ADK: variants seen among roughly 807,000 people sequenced by gnomAD.
ADK encodes N6,N6-dimethyladenosine kinase.
A neutral mutation model predicts 44.7 loss-of-function variants in ADK; 24 were observed. The ratio of observed to expected loss-of-function variants is 0.54; its 90% CI spans 0.39 to 0.76. ADK has a LOEUF of 0.76. Ranked by LOEUF, ADK falls within the 30% of genes least tolerant of loss-of-function variation. The probability of loss-of-function intolerance (pLI) is 0.00; values close to 1 mark genes in which losing one functional copy is unlikely to be tolerated. For missense variants in ADK, 321 were observed against 425.1 expected (o/e 0.76, Z 2.15); for synonymous variants, 128 against 142.6 (o/e 0.90, Z 0.73).
chr10:74,340,340 C>T (rs1241518321), intron 4 of ADK, among the ~76,000 whole-genome samples: 1 of 151,978 alleles, frequency 6.6e-6, no homozygotes, highest in Non-Finnish European at 1.5e-5. Flanking sequence ...CAGTTGTTTC[C>T]TTATATTCCC....
chr10:74,209,127 G>A (rs1006555752), intron 2 of ADK, among the ~76,000 whole-genome samples: 1 of 152,198 alleles, frequency 6.6e-6, no homozygotes, highest in Non-Finnish European at 1.5e-5. Context: ...AGTATAAGAA[G>A]TGTGACTCTT....
intron 1 of ADK, among the ~76,000 whole-genome samples, chr10:74,187,299 T>C (rs1433394441): frequency 2.0e-5 from 3 of 152,244 alleles, no homozygotes; most frequent in African/African-American, 7.2e-5. Flanking sequence ...TTTATCCATT[T>C]ATCACTTGAT....
intron 4 of ADK, among the ~76,000 whole-genome samples, chr10:74,342,769 C>G (rs1403493347): frequency 1.7e-5 from 2 of 119,140 alleles, no homozygotes; most frequent in Non-Finnish European, 1.8e-5. Flanking sequence ...GCCGCTGTGC[C>G]TAGCTCAGTT....
chr10:74,356,571 G>A (rs1296335823), intron 4 of ADK, among the ~76,000 whole-genome samples: 1 of 152,044 alleles, frequency 6.6e-6, no homozygotes, highest in Non-Finnish European at 1.5e-5. Flanking sequence ...TGGATAGTAG[G>A]ATTTTTCCTT....
rs1378519291 is a variant in ADK at position 74,511,577 on chromosome 10, G to A, written c.556-13679G>A. On this transcript the variant is annotated intron_variant, in intron 6 of 10. Transcript: ENST00000539909. Reference sequence around the variant, plus strand: ...TTTTCTAGCTATTGTAAATGAGGTTGCCTTTTTGAATTCTTGTTCAACTAC... The same window carrying A: ...TTTTCTAGCTATTGTAAATGAGGTTACCTTTTTGAATTCTTGTTCAACTAC... 2.0e-5 allele frequency among the ~76,000 whole-genome samples: 3 copies of A among 152,078 alleles called. No homozygotes were observed. In the East Asian group the frequency reaches 5.8e-4, roughly 29 times the overall value.
At chr10:74,369,227 A>G (rs1842585953) in intron 4 of ADK, among the ~76,000 whole-genome samples, 1 of 152,104 alleles carries the variant, frequency 6.6e-6, no homozygotes, top group Non-Finnish European at 1.5e-5. Context: ...GTGGTGGTGC[A>G]TGCCTGTAGT....
intron 5 of ADK, among the ~76,000 whole-genome samples, chr10:74,395,392 T>C (rs532525017): frequency 4.6e-5 from 7 of 152,290 alleles, no homozygotes; most frequent in African/African-American, 9.6e-5. Context: ...CAGTATTTAC[T>C]AAATAACCAA....
At position 74,400,755 on chromosome 10, in the gene ADK, TTATC is replaced by T. The variant is rs371797995; in HGVS notation, c.555+2180_555+2183del. Among the ~76,000 whole-genome samples, 40 of 152,316 alleles carry T rather than the reference TTATC, an allele frequency of 2.6e-4. No individual in the cohort carries two copies. In the South Asian group the frequency reaches 8.1e-3, roughly 31 times the overall value. ...TTTTGATCTAAGGAAGCAACGCAGT[TTATC>T]TATTCAACAAATATCCGTAACTAAA... On this transcript the variant is annotated intron_variant, in intron 6 of 10. Transcript: ENST00000539909.
intron 4 of ADK, among the ~76,000 whole-genome samples, chr10:74,350,982 C>T (rs764963896): frequency 9.9e-5 from 15 of 152,130 alleles, no homozygotes; most frequent in Non-Finnish European, 2.2e-4. Flanking sequence ...GATTCACATC[C>T]GAATTCTACC....
intron 1 of ADK, among the ~76,000 whole-genome samples, chr10:74,153,555 G>A (rs1841671359): frequency 6.6e-6 from 1 of 152,136 alleles, no homozygotes; most frequent in Non-Finnish European, 1.5e-5. Flanking sequence ...GTTTTCACGT[G>A]GGATTAGGGG....
chr10:74,303,269 C>T (rs576163660), intron 3 of ADK, among the ~76,000 whole-genome samples: 1 of 152,210 alleles, frequency 6.6e-6, no homozygotes, highest in East Asian at 1.9e-4. Flanking sequence ...AAATTGAACG[C>T]TAGTCTATAT....
intron 9 of ADK, among the ~76,000 whole-genome samples, chr10:74,621,463 G>A (rs943122620): frequency 2.0e-5 from 3 of 152,058 alleles, no homozygotes; most frequent in African/African-American, 7.2e-5. Flanking sequence ...TGCTGTTTTG[G>A]TTACTATAGC....
chr10:74,241,682 A>G (rs1845215408), intron 3 of ADK, among the ~76,000 whole-genome samples: 1 of 152,114 alleles, frequency 6.6e-6, no homozygotes, highest in African/African-American at 2.4e-5. Context: ...CACTGCGCCC[A>G]GCCGATAAAA....
chr10:74,665,100 G>GTT lies in ADK; in HGVS notation c.878-5082_878-5081dup, dbSNP rs897681195. Among the ~76,000 whole-genome samples, 5 of 151,988 alleles carry GTT rather than the reference G, an allele frequency of 3.3e-5. No individual in the cohort carries two copies. The South Asian group carries it at 6.2e-4, about 19-fold the overall frequency. On this transcript the variant is annotated intron_variant, in intron 9 of 10. Coordinates refer to ENST00000539909, the MANE Select transcript of ADK (RefSeq NM_006721.4). Reference sequence around the variant, plus strand: ...ATAAAACTTTGAAAGAATAAATAATGTTATATATATGGGAGGAATGATCAA... The same window carrying GTT: ...ATAAAACTTTGAAAGAATAAATAATGTTTTATATATATGGGAGGAATGATCAA...
At chr10:74,221,805 A>G (rs2132233626) in intron 2 of ADK, among the ~76,000 whole-genome samples, 1 of 147,626 alleles carries the variant, frequency 6.8e-6, no homozygotes, top group East Asian at 1.9e-4. Flanking sequence ...TGCTGGGAAA[A>G]CTGGCTAGCC....
chr10:74,564,605 TATACAATACTA>T, intron 7 of ADK, among the ~76,000 whole-genome samples: 1 of 152,128 alleles, frequency 6.6e-6, no homozygotes, highest in South Asian at 2.1e-4. Context: ...TTAACGTTTG[TATACAATACTA>T]TAATACAGTC....
chr10:74,572,640 A>C (rs368558926), intron 7 of ADK, among the ~76,000 whole-genome samples: 11 of 152,174 alleles, frequency 7.2e-5, no homozygotes, highest in African/African-American at 1.9e-4. Context: ...TCAGGTACAC[A>C]AATCAGACGT....
At chr10:74,702,343 C>G (rs1856452608) in intron 10 of ADK, among the ~76,000 whole-genome samples, 1 of 151,720 alleles carries the variant, frequency 6.6e-6, no homozygotes, top group Non-Finnish European at 1.5e-5. Flanking sequence ...GCCACCATGC[C>G]CAGCTAATTT....
intron 1 of ADK, among the ~76,000 whole-genome samples, chr10:74,194,677 C>G (rs1843059431): frequency 6.6e-6 from 1 of 152,054 alleles, no homozygotes; most frequent in African/African-American, 2.4e-5. Context: ...TGCAGAGGGC[C>G]TAGTGCTAGT....
Sources: allele counts gnomAD v4.1 joint callset (sites outside exome capture counted in the v4.1 genomes callset), GRCh38; gene constraint gnomAD v4.1.1; transcripts MANE v1.5; gene names NCBI Gene and HGNC (gene_info 2026-07-23, HGNC 2026-07-21).